PHF12: variants seen among roughly 807,000 people sequenced by gnomAD.
PHF12 encodes the protein PHD factor 1.
A neutral mutation model predicts 99.8 loss-of-function variants in PHF12; 6 were observed. The observed-to-expected ratio is 0.06, with a 90% CI of 0.03 to 0.12. PHF12 has a LOEUF of 0.12. PHF12 is among the 10% of genes least tolerant of loss of function. PHF12 has a pLI of 1.00. For synonymous variants in PHF12, 480 were observed against 514.9 expected (o/e 0.93, Z 0.92); for missense variants, 954 against 1,300.1 (o/e 0.73, Z 4.09).
At chr17:28,908,938 CA>C (rs1353460619) in intron 11 of PHF12, 57 bp from the exon 12 acceptor site, 1 of 1,491,966 alleles carries the variant, frequency 6.7e-7, no homozygotes, top group African/African-American at 1.4e-5. Context: ...GTGATCCAAA[CA>C]TAAACCAACA....
At chr17:28,934,718 C>G (rs2040476613) in intron 2 of PHF12, among the ~76,000 whole-genome samples, 1 of 149,854 alleles carries the variant, frequency 6.7e-6, no homozygotes, top group Non-Finnish European at 1.5e-5. Context: ...TCAAGCAATT[C>G]TCCTCTGGAG....
At position 28,912,871 on chromosome 17, in the gene PHF12, C is replaced by A; in HGVS notation, c.1700G>T (p.Gly567Val). 6.2e-7 allele frequency: 1 copy of A among 1,611,906 alleles called. No individual in the cohort carries two copies. Reference protein sequence around the residue: ...TDSTDPRRLPGANTPLPGLSH... With the variant: ...TDSTDPRRLPVANTPLPGLSH... ...GAGGCCTGGTAGTGGGGTGTTAGCG[C>A]CTGGAAGTCGCCGGGGGTCCGTGGA... The change falls in exon 9 of 15, where the codon GGC becomes GTC. Residue 567 changes from glycine (G) to valine (V), a missense_variant. Physicochemically the swap from Gly to Val is moderately radical, Grantham distance 109. Transcript: ENST00000332830.
Position 28,908,838 on chromosome 17 carries a change from G to C in PHF12, c.2403C>G (p.Leu801=). The part of the protein sequence containing the change: ...EVQARAVFYP[L]LGLGGAVNMC... ...TGTTCACAGCTCCTCCCAACCCTAA[G>C]AGGGGGTAGAACACAGCTCGGGCCT... Residue 801 remains leucine (L), a synonymous_variant, in exon 12 of 15, where the codon CTC becomes CTG. Transcript: ENST00000332830. The C allele has an allele frequency of 6.2e-7, 1 of 1,614,132 alleles. No homozygotes were observed. Among genetic ancestry groups the C allele is most frequent in the Non-Finnish European group, 8.5e-7 (1 of 1,180,020 alleles).
intron 7 of PHF12, 72 bp downstream of exon 7, chr17:28,917,213 G>C (rs1260377815): frequency 6.3e-7 from 1 of 1,597,314 alleles, no homozygotes; most frequent in Non-Finnish European, 8.6e-7. Flanking sequence ...TGTAAAATTG[G>C]GACAGTGATC....
rs11870621 is a variant in PHF12, at chr17:28,921,094, C to T, written c.836+594G>A. Among the ~76,000 whole-genome samples the T allele has an allele frequency of 1.2e-3, 183 of 152,160 alleles. 1 individual carries two copies. Among genetic ancestry groups the T allele is most frequent in the African/African-American group, 4.1e-3 (172 of 41,498 alleles). On this transcript the variant is annotated intron_variant, in intron 5 of 14. Coordinates refer to ENST00000332830, the MANE Select transcript of PHF12 (RefSeq NM_001033561.2). The stretch of plus-strand genomic sequence containing the variant: ...TGAGACAGGGTTTCACCATGTTAGC[C>T]AGGATGGTCTCAATATCCTGACCTT...
At position 28,906,504 on chromosome 17, in the gene PHF12, G is replaced by A. The variant is rs1016733515; in HGVS notation, c.2694C>T (p.His898=). 2.5e-6 allele frequency: 4 copies of A among 1,601,826 alleles called. No individual in the cohort carries two copies. The African/African-American group carries it at 5.3e-5, about 21-fold the overall frequency. The change falls in exon 15 of 15, where the codon CAC becomes CAT. Residue 898 remains histidine, a synonymous_variant. Coordinates refer to ENST00000332830, the MANE Select transcript of PHF12 (RefSeq NM_001033561.2). This position sits in a 1 kb window ranked among gnomAD's most constrained non-coding sequence, Gnocchi z 4.2. ...KVQSVIRRRR[H]QKQDEEPSEE... is the part of the protein sequence containing the mutation. ...CACTTGGCTCTTCGTCCTGTTTCTG[G>A]TGCCGGCGGCGCCCTGGGAAAAAGG...
In PHF12 at chr17:28,941,779, G is replaced by A. The variant is rs557686469; in HGVS notation, c.248+8286C>T. 1.6e-4 allele frequency among the ~76,000 whole-genome samples: 25 copies of A among 152,164 alleles called. No individual in the cohort carries two copies. The South Asian group carries it at 4.6e-3, about 28-fold the overall frequency. On this transcript the variant is annotated intron_variant, in intron 2 of 14. Transcript: ENST00000332830. Reference sequence around the variant, plus strand: ...TGCATCACCACGCCCAGCTAATTTTGTATTTTTAGTAGAGATGGGGTTTCA... The same window carrying A: ...TGCATCACCACGCCCAGCTAATTTTATATTTTTAGTAGAGATGGGGTTTCA...
At chr17:28,924,410 A>T (rs757570680) in intron 3 of PHF12, 108 bp from the exon 4 acceptor site, 3 of 1,469,964 alleles carry the variant, frequency 2.0e-6, no homozygotes, top group Non-Finnish European at 2.8e-6. Context: ...AGGCCTTCAC[A>T]TATCACAGAC....
chr17:28,926,802 G>T (rs1323418408), intron 3 of PHF12, 189 bp downstream of exon 3: 1 of 1,530,666 alleles, frequency 6.5e-7, no homozygotes, highest in Non-Finnish European at 8.7e-7. Flanking sequence ...CATTTCAGCA[G>T]CCCATGTTTG....
chr17:28,920,609 CT>C (rs2040144260), intron 5 of PHF12, among the ~76,000 whole-genome samples: 1 of 152,260 alleles, frequency 6.6e-6, no homozygotes, highest in Non-Finnish European at 1.5e-5. Flanking sequence ...TGTCACCAGG[CT>C]AGAGTGCAGT....
At chr17:28,932,010 C>G (rs558402396) in intron 2 of PHF12, among the ~76,000 whole-genome samples, 1 of 152,180 alleles carries the variant, frequency 6.6e-6, no homozygotes, top group Non-Finnish European at 1.5e-5. Context: ...AGAAAATGAT[C>G]ATCATAGGCA....
In PHF12 at chr17:28,951,489, C is replaced by A; in HGVS notation, c.-529G>T. On this transcript the variant is annotated 5_prime_UTR_variant, in exon 1 of 15. Transcript: ENST00000332830. ...TACCGCGAGCGCCCGCAAAGCCACC[C>A]GCGCAGGCGCCCCGGGATCGGCGCT... The A allele has an allele frequency of 1.0e-6, 1 of 985,416 alleles. No individual in the cohort carries two copies. Among genetic ancestry groups the A allele is most frequent in the Non-Finnish European group, 1.2e-6 (1 of 829,912 alleles). 61.0% of individuals were successfully genotyped at this position (985,416 alleles called of 1,614,324 possible).
chr17:28,940,720 C>T (rs1324633102), intron 2 of PHF12, among the ~76,000 whole-genome samples: 1 of 152,192 alleles, frequency 6.6e-6, no homozygotes, highest in Non-Finnish European at 1.5e-5. Context: ...CATTCTCATT[C>T]TTCTTAACTG....
At chr17:28,934,975 G>A (rs574710200) in intron 2 of PHF12, among the ~76,000 whole-genome samples, 1 of 152,320 alleles carries the variant, frequency 6.6e-6, no homozygotes, top group Non-Finnish European at 1.5e-5. Context: ...GTTGTCTTCT[G>A]TACCTGAACT....
At chr17:28,948,853 C>T (rs1260437590) in intron 2 of PHF12, among the ~76,000 whole-genome samples, 2 of 152,176 alleles carry the variant, frequency 1.3e-5, no homozygotes, top group Non-Finnish European at 1.5e-5. Flanking sequence ...CTCTCAAACC[C>T]CTGCCTCAGT....
intron 2 of PHF12, among the ~76,000 whole-genome samples, chr17:28,929,536 T>C (rs2040357293): frequency 6.6e-6 from 1 of 152,198 alleles, no homozygotes; most frequent in Admixed American, 6.5e-5. Context: ...TGAGCCACTG[T>C]GCCCAGCCAA....
intron 4 of PHF12, among the ~76,000 whole-genome samples, chr17:28,922,536 G>A (rs914849034): frequency 6.6e-6 from 1 of 151,956 alleles, no homozygotes; most frequent in African/African-American, 2.4e-5. Flanking sequence ...AAAGAATGGA[G>A]GACAATTTGG....
chr17:28,910,184 G>A (rs1010729427), intron 11 of PHF12, 42 bp downstream of exon 11: 1 of 1,613,910 alleles, frequency 6.2e-7, no homozygotes, highest in South Asian at 1.1e-5. Flanking sequence ...CACACGTAGA[G>A]GGGAGATCTG....
intron 10 of PHF12, chr17:28,910,780 C>T: frequency 2.6e-6 from 1 of 380,782 alleles, no homozygotes; most frequent in South Asian, 3.2e-5. Flanking sequence ...CAGATGAGGT[C>T]CCTCCTTTGG....
Sources: allele counts gnomAD v4.1 joint callset (sites outside exome capture counted in the v4.1 genomes callset), GRCh38; gene constraint gnomAD v4.1.1; non-coding constraint Gnocchi (gnomAD v3.1); transcripts MANE v1.5; gene names NCBI Gene and HGNC (gene_info 2026-07-23, HGNC 2026-07-21).